PSMD14: variants seen among roughly 807,000 people sequenced by gnomAD.
PSMD14 encodes the protein ubiquitin C-terminal hydrolase PSMD14.
In PSMD14, 7 loss-of-function variants were observed where a neutral mutation model predicts 41.2. The ratio of observed to expected loss-of-function variants is 0.17; its 90% CI spans 0.10 to 0.32. The LOEUF (loss-of-function observed/expected upper bound fraction) is 0.32. Among genes scored for constraint, PSMD14 ranks in the 10% least tolerant of loss-of-function variants. PSMD14 has a pLI of 1.00. For synonymous variants in PSMD14, 114 were observed against 122.3 expected (o/e 0.93, Z 0.45); for missense variants, 139 against 375.6 (o/e 0.37, Z 5.21).
intron 8 of PSMD14, among the ~76,000 whole-genome samples, chr2:161,389,194 G>A (rs150973581): frequency 6.4e-4 from 98 of 152,216 alleles, no homozygotes; most frequent in African/African-American, 2.2e-3. Context: ...TCCATTAACT[G>A]GCTTCTGTAT....
chr2:161,334,654 A>G (rs1422107072), intron 3 of PSMD14, among the ~76,000 whole-genome samples: 3 of 152,274 alleles, frequency 2.0e-5, no homozygotes, highest in African/African-American at 4.8e-5. Flanking sequence ...AGATGTGACC[A>G]TGTTGATGGA....
chr2:161,329,153 T>C (rs1462892682), intron 3 of PSMD14, among the ~76,000 whole-genome samples: 3 of 152,096 alleles, frequency 2.0e-5, no homozygotes, highest in Admixed American at 6.5e-5. Context: ...AAAGGAGTTA[T>C]GCTTATCAGA....
intron 3 of PSMD14, 126 bp from the exon 4 acceptor site, chr2:161,367,352 A>G (rs1352574456): frequency 2.8e-6 from 2 of 706,868 alleles, no homozygotes; most frequent in East Asian, 5.5e-5. Context: ...ATAGCCAAAT[A>G]AAAGGATACT....
At chr2:161,319,006 G>C (rs1689174613) in intron 3 of PSMD14, 133 bp downstream of exon 3, 1 of 588,770 alleles carries the variant, frequency 1.7e-6, no homozygotes, top group African/African-American at 1.9e-5. Flanking sequence ...TTACCTTATT[G>C]ATGTTTGTTA....
chr2:161,367,962 C>G (rs1308688058), intron 5 of PSMD14, 59 bp downstream of exon 5: 5 of 1,534,660 alleles, frequency 3.3e-6, no homozygotes, highest in African/African-American at 2.7e-5. Flanking sequence ...TTTTTCTTTT[C>G]CTATGCAAAC....
intron 3 of PSMD14, among the ~76,000 whole-genome samples, chr2:161,355,182 G>A (rs556964419): frequency 1.3e-3 from 205 of 152,106 alleles, no homozygotes; most frequent in African/African-American, 4.7e-3. Flanking sequence ...GAAATATATC[G>A]TTGGTTAAAC....
At chr2:161,332,179 GT>G (rs1311722333) in intron 3 of PSMD14, among the ~76,000 whole-genome samples, 1 of 152,164 alleles carries the variant, frequency 6.6e-6, no homozygotes, top group Non-Finnish European at 1.5e-5. Flanking sequence ...CTTGGCCCAT[GT>G]TTTAAGACTA....
intron 7 of PSMD14, among the ~76,000 whole-genome samples, chr2:161,378,024 G>T (rs1370345694): frequency 6.6e-6 from 1 of 151,926 alleles, no homozygotes; most frequent in Admixed American, 6.6e-5. Flanking sequence ...AATTTTTAAA[G>T]ATCACATTCT....
At chr2:161,359,172 A>G (rs974336684) in intron 3 of PSMD14, among the ~76,000 whole-genome samples, 1 of 152,038 alleles carries the variant, frequency 6.6e-6, no homozygotes, top group Admixed American at 6.6e-5. Flanking sequence ...CGGTCTTACT[A>G]TGTTGCCCAG....
chr2:161,351,345 T>C (rs1379851217), intron 3 of PSMD14, among the ~76,000 whole-genome samples: 2 of 152,222 alleles, frequency 1.3e-5, no homozygotes, highest in African/African-American at 4.8e-5. Flanking sequence ...TTTGGCCCTT[T>C]TATGAGTTGT....
At chr2:161,316,124 G>A (rs1689145587) in intron 1 of PSMD14, among the ~76,000 whole-genome samples, 1 of 152,164 alleles carries the variant, frequency 6.6e-6, no homozygotes, top group Non-Finnish European at 1.5e-5. Context: ...GATTACAGGC[G>A]TGAGCCACTG....
At chr2:161,309,988 G>A (rs1574109898) in intron 1 of PSMD14, among the ~76,000 whole-genome samples, 1 of 151,972 alleles carries the variant, frequency 6.6e-6, no homozygotes, top group Non-Finnish European at 1.5e-5. Context: ...GTGAAAACCC[G>A]TCTCTACTAA....
chr2:161,400,477 C>T (rs184221922), intron 10 of PSMD14, among the ~76,000 whole-genome samples: 1 of 152,258 alleles, frequency 6.6e-6, no homozygotes, highest in East Asian at 1.9e-4. Flanking sequence ...GGATTTTTCT[C>T]ATAAATATAT....
intron 2 of PSMD14, among the ~76,000 whole-genome samples, chr2:161,317,310 C>G (rs921666794): frequency 4.6e-5 from 7 of 151,990 alleles, no homozygotes; most frequent in African/African-American, 1.7e-4. Flanking sequence ...TATGCCTTTT[C>G]ATTTTAAAAA....
At chr2:161,401,603 T>G (rs1473838521) in intron 10 of PSMD14, among the ~76,000 whole-genome samples, 12 of 152,174 alleles carry the variant, frequency 7.9e-5, no homozygotes, top group Admixed American at 7.9e-4. Context: ...CCAACAACCT[T>G]AACTACAGTT....
intron 3 of PSMD14, among the ~76,000 whole-genome samples, chr2:161,363,799 T>C (rs1470885739): frequency 2.0e-5 from 3 of 152,156 alleles, no homozygotes; most frequent in African/African-American, 4.8e-5. Context: ...TAGGGGAGCA[T>C]ACAGACAGGC....
chr2:161,403,101 A>G (rs186387485), intron 10 of PSMD14, among the ~76,000 whole-genome samples: 2 of 152,242 alleles, frequency 1.3e-5, no homozygotes, highest in African/African-American at 4.8e-5. Flanking sequence ...ATGAATGTTC[A>G]TAGTAGCACT....
intron 11 of PSMD14, 101 bp downstream of exon 11, chr2:161,409,000 A>T (rs140616188): frequency 1.2e-6 from 1 of 866,544 alleles, no homozygotes; most frequent in Non-Finnish European, 1.8e-6. Flanking sequence ...TGTCCACTCT[A>T]TGTTTTTCTT....
intron 8 of PSMD14, among the ~76,000 whole-genome samples, chr2:161,387,366 A>G (rs1320439804): frequency 2.6e-5 from 4 of 152,006 alleles, no homozygotes; most frequent in African/African-American, 9.7e-5. Context: ...GGGATCAGAA[A>G]CCTTTCAGAA....
Sources: allele counts gnomAD v4.1 joint callset (sites outside exome capture counted in the v4.1 genomes callset), GRCh38; gene constraint gnomAD v4.1.1; transcripts MANE v1.5; gene names NCBI Gene and HGNC (gene_info 2026-07-23, HGNC 2026-07-21).